GDF10: variants seen among roughly 807,000 people sequenced by gnomAD.
GDF10 encodes growth differentiation factor 10, also known as growth/differentiation factor 10.
A neutral mutation model predicts 32.1 loss-of-function variants in GDF10; 23 were observed. The ratio of observed to expected loss-of-function variants is 0.72; its 90% CI spans 0.52 to 1.02. The LOEUF is 1.02. Ranked by LOEUF, GDF10 falls within the 50% of genes least tolerant of loss-of-function variation. The pLI is 0.00. For synonymous variants in GDF10, 328 were observed against 303.1 expected (o/e 1.08, Z -0.85); for missense variants, 764 against 673.9 (o/e 1.13, Z -1.48).
chr10:47,309,174 G>A (rs1056185217), intron 1 of GDF10, among the ~76,000 whole-genome samples: 2 of 152,240 alleles, frequency 1.3e-5, no homozygotes, highest in African/African-American at 4.8e-5. Context: ...TCCTCAGGCA[G>A]AACAAAGAGC....
Position 47,313,307 on chromosome 10 carries a change from C to A in GDF10, c.*515C>A, listed in dbSNP as rs1386114612. Reference sequence around the variant, plus strand: ...TTATCCATATGGTATGCACATGTAGCCAATATTGGTTTCTTTTTCTTAATA... The same window carrying A: ...TTATCCATATGGTATGCACATGTAGACAATATTGGTTTCTTTTTCTTAATA... On this transcript the variant is annotated 3_prime_UTR_variant, in exon 3 of 3. Coordinates refer to ENST00000580279, the MANE Select transcript of GDF10 (RefSeq NM_004962.5). 1.3e-5 allele frequency: 2 copies of A among 152,002 alleles called. No homozygotes were observed. Among genetic ancestry groups the A allele is most frequent in the Non-Finnish European group, 2.9e-5 (2 of 68,024 alleles). 9.4% of individuals were successfully genotyped at this position (152,002 alleles called of 1,614,324 possible).
In GDF10 at chr10:47,312,859, GA is replaced by G; in HGVS notation, c.*68del. The stretch of plus-strand genomic sequence containing the variant: ...CCTTCTCGGAGCCTTCTGCAACCAG[GA>G]CTTGTGGTGCAGCTGCAGACACAGA... On this transcript the variant is annotated 3_prime_UTR_variant, in exon 3 of 3. Transcript: ENST00000580279. 9.5e-7 allele frequency: 1 copy of G among 1,050,568 alleles called. No individual in the cohort carries two copies. The highest frequency in any genetic ancestry group is 1.4e-6 in the Non-Finnish European group (1 of 727,722). 65.1% of individuals were successfully genotyped at this position (1,050,568 alleles called of 1,614,324 possible).
At chr10:47,312,094 G>A (rs780845331) in intron 2 of GDF10, among the ~76,000 whole-genome samples, 3 of 152,190 alleles carry the variant, frequency 2.0e-5, no homozygotes, top group Non-Finnish European at 2.9e-5. Context: ...GATGCAGGGA[G>A]AGCAGCCCCT....
intron 1 of GDF10, among the ~76,000 whole-genome samples, chr10:47,308,602 T>A (rs1235457117): frequency 6.6e-6 from 1 of 151,378 alleles, no homozygotes; most frequent in African/African-American, 2.4e-5. Flanking sequence ...GTCAGAGAGG[T>A]GTGGCCCTGA....
chr10:47,312,454 G>C (rs557072665), intron 2 of GDF10, 147 bp from the exon 3 acceptor site: 341 of 436,602 alleles, frequency 7.8e-4, no homozygotes, highest in Non-Finnish European at 1.2e-3. Context: ...TTGGGATCTC[G>C]TCCATTCCTC....
intron 2 of GDF10, among the ~76,000 whole-genome samples, chr10:47,312,170 G>T (rs1555207827): frequency 1.3e-5 from 2 of 152,056 alleles, no homozygotes. Flanking sequence ...TCAGTGACAA[G>T]AGCACAACCT....
Position 47,312,778 on chromosome 10 carries a change from T to C in GDF10, c.1423T>C (p.Cys475Arg). Residue 475 changes from cysteine (C) to arginine (R), a missense_variant, in exon 3 of 3, where the codon TGT (cysteine) becomes CGT (arginine). By Grantham distance (180) the Cys-to-Arg change is radical (BLOSUM62 -3). Coordinates refer to ENST00000580279, the MANE Select transcript of GDF10 (RefSeq NM_004962.5). ...GTACCCCAACATGTCCGTGGACACC[T>C]GTGCCTGCCGGTGAGACCACTCCAG... ...KVYPNMSVDT[C>R]ACR 1 of 1,582,706 alleles carries C rather than the reference T, an allele frequency of 6.3e-7. No individual in the cohort carries two copies. The highest frequency in any genetic ancestry group is 1.2e-5 in the South Asian group (1 of 84,822).
intron 2 of GDF10, 125 bp from the exon 3 acceptor site, chr10:47,312,476 C>A: frequency 2.0e-6 from 1 of 506,988 alleles, no homozygotes. Flanking sequence ...AGGTGGATGC[C>A]TATTCTGTGG....
rs377575394 is a variant in GDF10, at chr10:47,312,840, C to T, written c.*48C>T. ...GCCACGCCCAGCAGAGCTGCCTTCTCGGAGCCTTCTGCAACCAGGACTTGT... is the reference window on the plus strand; with the variant it reads ...GCCACGCCCAGCAGAGCTGCCTTCTTGGAGCCTTCTGCAACCAGGACTTGT... On this transcript the variant is annotated 3_prime_UTR_variant, in exon 3 of 3. Transcript: ENST00000580279. 14 of 1,314,240 alleles carry T rather than the reference C, an allele frequency of 1.1e-5. No individual in the cohort carries two copies. Among genetic ancestry groups the T allele is most frequent in the African/African-American group, 1.5e-5 (1 of 66,968 alleles). 81.4% of individuals were successfully genotyped at this position (1,314,240 alleles called of 1,614,324 possible). A position where few individuals can be genotyped will look rare whatever the true frequency, so the allele number is the denominator to read the frequency against.
intron 1 of GDF10, 66 bp downstream of exon 1, chr10:47,301,036 C>A: frequency 9.5e-7 from 1 of 1,057,124 alleles, no homozygotes; most frequent in South Asian, 1.8e-5. Context: ...TCTGTCTCCC[C>A]ACCCGTGCAC....
intron 1 of GDF10, among the ~76,000 whole-genome samples, chr10:47,303,883 C>T (rs1426391918): frequency 1.3e-5 from 2 of 152,234 alleles, no homozygotes; most frequent in African/African-American, 4.8e-5. Flanking sequence ...TCCCTAAGCA[C>T]TTCGTTTGGT....
At chr10:47,309,434 T>C (rs1330146255) in intron 1 of GDF10, among the ~76,000 whole-genome samples, 1 of 152,202 alleles carries the variant, frequency 6.6e-6, no homozygotes, top group African/African-American at 2.4e-5. Context: ...GTGACATTTG[T>C]TCATTTGTGC....
intron 1 of GDF10, among the ~76,000 whole-genome samples, chr10:47,304,608 A>G (rs782278635): frequency 5.9e-5 from 9 of 152,318 alleles, no homozygotes; most frequent in Non-Finnish European, 1.0e-4. Context: ...CTATCTATCT[A>G]TCTATGTCTC....
intron 2 of GDF10, 71 bp downstream of exon 2, chr10:47,310,792 G>T (rs577693332): frequency 6.7e-6 from 7 of 1,037,398 alleles, no homozygotes; most frequent in Admixed American, 1.8e-5. Context: ...TCCTCAGCCT[G>T]CAGGACTTCT....
chr10:47,305,605 G>A (rs2061020717), intron 1 of GDF10, among the ~76,000 whole-genome samples: 1 of 152,196 alleles, frequency 6.6e-6, no homozygotes. Flanking sequence ...GGGGCAGTGG[G>A]TGAAGGGACA....
At position 47,310,473 on chromosome 10, in the gene GDF10, C is replaced by T; in HGVS notation, c.997C>T (p.Pro333Ser). 14 of 1,613,766 alleles carry T rather than the reference C, an allele frequency of 8.7e-6. No individual in the cohort carries two copies. Among genetic ancestry groups the T allele is most frequent in the Non-Finnish European group, 1.2e-5 (14 of 1,179,774 alleles). The part of the protein sequence containing the change: ...LWPSPFRALK[P>S]RPGRKDRRKK... ...GCCCAGCCCCTTCCGGGCGCTGAAA[C>T]CCCGGCCAGGGCGCAAAGACCGCAG... The change falls in exon 2 of 3, where the codon CCC (proline) becomes TCC (serine). Residue 333 changes from proline to serine, a missense_variant. Coordinates refer to ENST00000580279, the MANE Select transcript of GDF10 (RefSeq NM_004962.5).
chr10:47,303,097 C>T (rs2061010213), intron 1 of GDF10, among the ~76,000 whole-genome samples: 1 of 152,224 alleles, frequency 6.6e-6, no homozygotes, highest in South Asian at 2.1e-4. Flanking sequence ...TGCCAAGCCT[C>T]TTGCCTGCCC....
At chr10:47,306,656 G>A (rs540312103) in intron 1 of GDF10, among the ~76,000 whole-genome samples, 1 of 152,212 alleles carries the variant, frequency 6.6e-6, no homozygotes, top group Non-Finnish European at 1.5e-5. Context: ...GAAGGCCAAT[G>A]AAGCAGGGGC....
rs1390589361 is a variant in GDF10 at position 47,300,871 on chromosome 10, A to C, written c.220A>C (p.Met74Leu). 1.3e-6 allele frequency: 2 copies of C among 1,587,972 alleles called. No individual in the cohort carries two copies. The highest frequency in any genetic ancestry group is 1.7e-6 in the Non-Finnish European group (2 of 1,174,958). Residue 74 changes from methionine to leucine, a missense_variant, in exon 1 of 3, where the codon ATG (methionine) becomes CTG (leucine). Physicochemically the swap from Met to Leu is conservative, Grantham distance 15 (BLOSUM62 2). Transcript: ENST00000580279. ...CACGTTGGGCCCCAGCGCCCAGGAC[A>C]TGGTCGCTGTCCACATGCACAGGCT... ...AATLGPSAQD[M>L]VAVHMHRLYE...
Sources: allele counts gnomAD v4.1 joint callset (sites outside exome capture counted in the v4.1 genomes callset), GRCh38; gene constraint gnomAD v4.1.1; transcripts MANE v1.5; gene names NCBI Gene and HGNC (gene_info 2026-07-23, HGNC 2026-07-21).